Variants in ZC3H12D observed in about 807,000 individuals in gnomAD.
ZC3H12D encodes the protein probable ribonuclease ZC3H12D.
ZC3H12D carries 11 observed loss-of-function variants against 24.2 expected under a neutral mutation model. That is an observed-to-expected ratio of 0.46 (90% CI 0.29 to 0.75). ZC3H12D has a LOEUF of 0.75. ZC3H12D is among the 30% of genes least tolerant of loss of function. The pLI, the probability that ZC3H12D is intolerant of heterozygous loss-of-function variation, is 0.11. For missense variants in ZC3H12D, 740 were observed against 767.7 expected (o/e 0.96, Z 0.43); for synonymous variants, 333 against 341.8 (o/e 0.97, Z 0.28).
intron 1 of ZC3H12D, among the ~76,000 whole-genome samples, chr6:149,483,335 T>G (rs972206985): frequency 6.6e-6 from 1 of 152,214 alleles, no homozygotes; most frequent in Non-Finnish European, 1.5e-5. Flanking sequence ...TGGTAAATTA[T>G]ATGTAACATA....
chr6:149,451,159 T>C lies in ZC3H12D; in HGVS notation c.1108A>G (p.Thr370Ala), dbSNP rs142544743. The change falls in exon 6 of 6, where the codon ACG (threonine) becomes GCG (alanine). Residue 370 changes from threonine to alanine, a missense_variant. Physicochemically the swap from Thr to Ala is moderately conservative, Grantham distance 58. Transcript: ENST00000409806. ...PPLPVPACSL[T>A]PRLGGPDWVS... is the part of the protein sequence containing the mutation. ...CAGTCGGGCCCGCCCAGTCGGGGCG[T>C]GAGGCTGCAGGCGGGGACCGGGAGA... The C allele has an allele frequency of 0.017, 22,952 of 1,326,896 alleles. 846 individuals carry two copies. Among genetic ancestry groups the C allele is most frequent in the African/African-American group, 0.12 (7,464 of 64,666 alleles). The allele number at this position is 1,326,896 out of a possible 1,614,324, so 82.2% of individuals were successfully genotyped here.
chr6:149,477,217 A>T (rs1301261610), intron 1 of ZC3H12D, among the ~76,000 whole-genome samples: 1 of 152,240 alleles, frequency 6.6e-6, no homozygotes, highest in Non-Finnish European at 1.5e-5. Context: ...CTGTCCCAGG[A>T]GTTCAGGAGC....
At chr6:149,469,574 G>T (rs1039983696) in intron 2 of ZC3H12D, among the ~76,000 whole-genome samples, 16 of 152,140 alleles carry the variant, frequency 1.1e-4, no homozygotes, top group African/African-American at 3.6e-4. Context: ...TTAAAAAGTT[G>T]CTGGACATTA....
At chr6:149,474,839 G>A (rs1250416322) in intron 1 of ZC3H12D, among the ~76,000 whole-genome samples, 1 of 152,218 alleles carries the variant, frequency 6.6e-6, no homozygotes, top group Admixed American at 6.5e-5. Flanking sequence ...GCCCGGCAGG[G>A]CACACACCCG....
In ZC3H12D at chr6:149,456,849, G is replaced by T. The variant is rs1171964651; in HGVS notation, c.497C>A (p.Pro166Gln). 1.2e-6 allele frequency: 2 copies of T among 1,608,956 alleles called. No individual in the cohort carries two copies. Among genetic ancestry groups the T allele is most frequent in the Non-Finnish European group, 1.7e-6 (2 of 1,179,670 alleles). ...GCGCTTGCCGTGCACCTTGCGGGAC[G>T]GCGTGTACACCAGCACCGCCTGCCG... ...LERQAVLVYT[P>Q]SRKVHGKRLV... The change falls in exon 4 of 6, where the codon CCG (proline) becomes CAG (glutamine). Residue 166 changes from proline to glutamine, a missense_variant. Physicochemically the swap from Pro to Gln is moderately conservative, Grantham distance 76. Transcript: ENST00000409806. This position sits in a 1 kb window ranked among gnomAD's most constrained non-coding sequence, Gnocchi z 4.3.
chr6:149,455,332 C>T lies in ZC3H12D; in HGVS notation c.680+1334G>A, dbSNP rs186798041. ...AGTTACTGCACCCCTGTGGGCCAGGCGTGCTGGAGACACCGCACGTAAGAC... is the reference window on the plus strand; with the variant it reads ...AGTTACTGCACCCCTGTGGGCCAGGTGTGCTGGAGACACCGCACGTAAGAC... On this transcript the variant is annotated intron_variant, in intron 4 of 5. Transcript: ENST00000409806. Among the ~76,000 whole-genome samples the T allele has an allele frequency of 5.2e-3, 785 of 152,322 alleles. 3 individuals are homozygous for T. The highest frequency in any genetic ancestry group is 0.01 in the Admixed American group (159 of 15,298).
chr6:149,464,199 G>A (rs1300202222), intron 2 of ZC3H12D, among the ~76,000 whole-genome samples: 2 of 152,212 alleles, frequency 1.3e-5, no homozygotes, highest in African/African-American at 2.4e-5. Context: ...AGGAGGGACG[G>A]ATCTGAGAAG....
chr6:149,474,553 A>G lies in ZC3H12D; in HGVS notation c.-10T>C, dbSNP rs1048546233. On this transcript the variant is annotated 5_prime_UTR_variant, in exon 2 of 6. Coordinates refer to ENST00000409806, the MANE Select transcript of ZC3H12D (RefSeq NM_207360.3). ...TGCTGGGGTGCTCCATGCTGTGCCC[A>G]GCGGCCACTGGCGCAGGTCCTGCCC... is the stretch of plus-strand genomic sequence containing the variant. The G allele has an allele frequency of 4.0e-6, 6 of 1,486,764 alleles. No homozygotes were observed. In the African/African-American group the frequency reaches 4.2e-5, roughly 10 times the overall value. The allele number at this position is 1,486,764 out of a possible 1,614,324, so 92.1% of individuals were successfully genotyped here. A position where few individuals can be genotyped will look rare whatever the true frequency, so the allele number is the denominator to read the frequency against.
intron 1 of ZC3H12D, among the ~76,000 whole-genome samples, chr6:149,475,542 C>G (rs1425476173): frequency 2.6e-5 from 4 of 151,922 alleles, no homozygotes; most frequent in Non-Finnish European, 5.9e-5. Context: ...ATGGTGAAAC[C>G]CCGTCTCTAC....
At chr6:149,482,739 C>A (rs115622328) in intron 1 of ZC3H12D, among the ~76,000 whole-genome samples, 2,630 of 152,288 alleles carry the variant, frequency 0.017, 84 homozygotes, top group African/African-American at 0.059. Context: ...GCAGCTCCCA[C>A]GGGTGCTTCC....
At chr6:149,482,429 C>A (rs1776441604) in intron 1 of ZC3H12D, among the ~76,000 whole-genome samples, 1 of 152,256 alleles carries the variant, frequency 6.6e-6, no homozygotes, top group Non-Finnish European at 1.5e-5. Flanking sequence ...CTGGAAGTCA[C>A]ACTCTGTCCA....
intron 1 of ZC3H12D, among the ~76,000 whole-genome samples, 174 bp downstream of exon 1, chr6:149,484,639 A>AT (rs1339385239): frequency 6.6e-6 from 1 of 152,228 alleles, no homozygotes. Context: ...AGCACTTAAA[A>AT]TAATTTAGAG....
chr6:149,463,594 A>AGGGG (rs1776108851), intron 2 of ZC3H12D, among the ~76,000 whole-genome samples: 1 of 152,192 alleles, frequency 6.6e-6, no homozygotes, highest in Non-Finnish European at 1.5e-5. Flanking sequence ...CTATAATCCC[A>AGGGG]GCTACTCAGG....
chr6:149,474,494 C>T lies in ZC3H12D; in HGVS notation c.50G>A (p.Arg17Gln), dbSNP rs557690445. The T allele has an allele frequency of 3.0e-5, 47 of 1,560,320 alleles. No individual in the cohort carries two copies. Among genetic ancestry groups the T allele is most frequent in the South Asian group, 1.6e-4 (14 of 85,828 alleles). Residue 17 changes from arginine (R) to glutamine (Q), a missense_variant, in exon 2 of 6, where the codon CGG (arginine) becomes CAG (glutamine). Transcript: ENST00000409806. ...MEFFQKLGYD[R>Q]EDVLRVLGKL... ...GCCCAACACCCGGAGCACATCCTCC[C>T]GGTCATAGCCCAGCTTCTGGAAGAA...
Position 149,450,350 on chromosome 6 carries a change from T to C in ZC3H12D, c.*333A>G. 1 of 296,360 alleles carries C rather than the reference T, an allele frequency of 3.4e-6. No homozygotes were observed. Among genetic ancestry groups the C allele is most frequent in the Non-Finnish European group, 6.3e-6 (1 of 158,926 alleles). 18.4% of individuals were successfully genotyped at this position (296,360 alleles called of 1,614,324 possible). On this transcript the variant is annotated 3_prime_UTR_variant, in exon 6 of 6. Coordinates refer to ENST00000409806, the MANE Select transcript of ZC3H12D (RefSeq NM_207360.3). ...CGCTTTGCCCTGTCCCAGTCCACTG[T>C]GTTTGTGGTGGTGACCCACTAAATT...
chr6:149,475,793 G>C (rs1040205498), intron 1 of ZC3H12D, among the ~76,000 whole-genome samples: 1 of 152,096 alleles, frequency 6.6e-6, no homozygotes. Flanking sequence ...CGGGGGTTGG[G>C]GGGTGGCCTG....
Position 149,450,507 on chromosome 6 carries a change from G to A in ZC3H12D, c.*176C>T, listed in dbSNP as rs1022219494. 3 of 645,472 alleles carry A rather than the reference G, an allele frequency of 4.6e-6. No individual in the cohort carries two copies. The African/African-American group carries it at 5.7e-5, about 12-fold the overall frequency. 40.0% of individuals were successfully genotyped at this position (645,472 alleles called of 1,614,324 possible). A position where few individuals can be genotyped will look rare whatever the true frequency, so the allele number is the denominator to read the frequency against. ...CCCCGGCCTCAGTGAGGATCACCAA[G>A]TGCCACCAGGCCCCCACAACCCCGC... is the stretch of plus-strand genomic sequence containing the variant. On this transcript the variant is annotated 3_prime_UTR_variant, in exon 6 of 6. Transcript: ENST00000409806.
chr6:149,477,632 C>T (rs1471360778), intron 1 of ZC3H12D, among the ~76,000 whole-genome samples: 1 of 152,176 alleles, frequency 6.6e-6, no homozygotes, highest in Non-Finnish European at 1.5e-5. Flanking sequence ...CACCCACACC[C>T]TCCATCAGCA....
intron 3 of ZC3H12D, among the ~76,000 whole-genome samples, chr6:149,461,299 C>A (rs1285279777): frequency 6.6e-6 from 1 of 151,240 alleles, no homozygotes; most frequent in Non-Finnish European, 1.5e-5. Flanking sequence ...CGAGATCATG[C>A]CACTGCACTC....
Sources: allele counts gnomAD v4.1 joint callset (sites outside exome capture counted in the v4.1 genomes callset), GRCh38; gene constraint gnomAD v4.1.1; non-coding constraint Gnocchi (gnomAD v3.1); transcripts MANE v1.5; gene names NCBI Gene and HGNC (gene_info 2026-07-23, HGNC 2026-07-21).